Variants in LRBA observed in about 807,000 individuals in gnomAD.
LRBA encodes the protein LPS responsive beige-like anchor protein.
LRBA carries 176 observed loss-of-function variants against 330.0 expected under a neutral mutation model. The ratio of observed to expected loss-of-function variants is 0.53; its 90% CI spans 0.47 to 0.60. The LOEUF (loss-of-function observed/expected upper bound fraction) is 0.60, where lower values mean the gene tolerates loss of function less well. Among genes scored for constraint, LRBA ranks in the 20% least tolerant of loss-of-function variants. The pLI is 0.00. For missense variants in LRBA, 3,259 were observed against 3,444.8 expected (o/e 0.95, Z 1.35); for synonymous variants, 1,230 against 1,193.0 (o/e 1.03, Z -0.64).
chr4:150,658,027 A>G (rs1780385720), intron 37 of LRBA, among the ~76,000 whole-genome samples: 1 of 152,150 alleles, frequency 6.6e-6, no homozygotes, highest in Non-Finnish European at 1.5e-5. Flanking sequence ...GTGTGTAATT[A>G]CACTGCCTGA....
At chr4:150,466,196 T>C (rs115110842) in intron 44 of LRBA, among the ~76,000 whole-genome samples, 203 of 152,224 alleles carry the variant, frequency 1.3e-3, no homozygotes, top group Middle Eastern at 0.01. Context: ...TCGGTAACTA[T>C]TGTGATTGTC....
chr4:150,897,603 G>A (rs1263688367), intron 15 of LRBA, 136 bp downstream of exon 15: 6 of 611,664 alleles, frequency 9.8e-6, no homozygotes, highest in Admixed American at 3.0e-5. Context: ...AAACAAACAT[G>A]GAAATATCTT....
chr4:150,547,923 T>C (rs888070748), intron 40 of LRBA, among the ~76,000 whole-genome samples: 1 of 152,186 alleles, frequency 6.6e-6, no homozygotes, highest in Non-Finnish European at 1.5e-5. Flanking sequence ...TTTTTCGCTT[T>C]ATAAATGACT....
chr4:150,777,066 T>TTTGTTGTTGTTGTTG (rs70941442), intron 34 of LRBA, among the ~76,000 whole-genome samples: 32 of 134,366 alleles, frequency 2.4e-4, no homozygotes, highest in East Asian at 2.0e-3. Flanking sequence ...TTTGAGGGGT[T>TTTGTTGTTGTTGTTG]TTGTTGTTGT....
intron 42 of LRBA, among the ~76,000 whole-genome samples, chr4:150,484,566 CATTT>C (rs1330079978): frequency 7.9e-5 from 12 of 151,688 alleles, no homozygotes; most frequent in African/African-American, 2.9e-4. Flanking sequence ...ACTATTAATA[CATTT>C]ATTAATCTTG....
chr4:150,871,465 CA>C lies in LRBA; in HGVS notation c.2259-13del. 6.6e-7 allele frequency: 1 copy of C among 1,514,686 alleles called. No homozygotes were observed. The highest frequency in any genetic ancestry group is 9.2e-7 in the Non-Finnish European group (1 of 1,090,412). 93.8% of individuals were successfully genotyped at this position (1,514,686 alleles called of 1,614,324 possible). On this transcript the variant is annotated splice_polypyrimidine_tract_variant and intron_variant, in intron 18 of 56. Transcript: ENST00000651943. ...CTTCTGCTTTCCTCCTGCAATTACA[CA>C]AAAAGAAATCATCAAATGTAGAGCT...
chr4:150,953,779 G>A (rs1368626032), intron 2 of LRBA, among the ~76,000 whole-genome samples: 2 of 151,490 alleles, frequency 1.3e-5, no homozygotes, highest in East Asian at 3.9e-4. Context: ...CTGCCCGGCC[G>A]CCACCCCGTC....
intron 28 of LRBA, among the ~76,000 whole-genome samples, chr4:150,833,485 C>T (rs976091625): frequency 1.3e-5 from 2 of 152,074 alleles, no homozygotes; most frequent in African/African-American, 4.8e-5. Context: ...AATAAAGTGG[C>T]TATCACAATA....
intron 53 of LRBA, among the ~76,000 whole-genome samples, chr4:150,294,111 G>A (rs13121248): frequency 0.49 from 74,451 of 152,032 alleles, 19,471 homozygotes; most frequent in Non-Finnish European, 0.59. Context: ...TTGGCACCCC[G>A]ACTCCTGTGT....
intron 2 of LRBA, among the ~76,000 whole-genome samples, chr4:150,977,597 G>A (rs1015350533): frequency 1.3e-5 from 2 of 152,140 alleles, no homozygotes; most frequent in Non-Finnish European, 2.9e-5. Flanking sequence ...AAGGGCTCCT[G>A]AGATCCCCGA....
At chr4:150,690,088 T>A (rs1188137136) in intron 36 of LRBA, among the ~76,000 whole-genome samples, 1 of 152,070 alleles carries the variant, frequency 6.6e-6, no homozygotes, top group Non-Finnish European at 1.5e-5. Flanking sequence ...ATACAAAATA[T>A]ACAGTTTATA....
At chr4:150,426,985 A>G (rs1436225888) in intron 46 of LRBA, among the ~76,000 whole-genome samples, 1 of 151,922 alleles carries the variant, frequency 6.6e-6, no homozygotes, top group Non-Finnish European at 1.5e-5. Flanking sequence ...CTCCAAATAA[A>G]TTATAATTTG....
Position 150,405,424 on chromosome 4 carries a change from C to T in LRBA, c.7194+10014G>A, listed in dbSNP as rs571474970. ...ACCACTGGTATTTGAAAGTGTAAAC[C>T]CCAATTCTATAAAACTTTTACTGTA... On this transcript the variant is annotated intron_variant, in intron 47 of 56. Coordinates refer to ENST00000651943, the MANE Select transcript of LRBA (RefSeq NM_001364905.1). Among the ~76,000 whole-genome samples, 5 of 152,114 alleles carry T rather than the reference C, an allele frequency of 3.3e-5. No homozygotes were observed. The East Asian group carries it at 9.7e-4, about 29-fold the overall frequency.
intron 46 of LRBA, among the ~76,000 whole-genome samples, chr4:150,424,053 T>C (rs1749203286): frequency 6.6e-6 from 1 of 152,220 alleles, no homozygotes; most frequent in African/African-American, 2.4e-5. Context: ...AACTGCTTGT[T>C]TGTTTCTATC....
intron 47 of LRBA, among the ~76,000 whole-genome samples, chr4:150,401,685 A>C (rs1745486209): frequency 6.6e-6 from 1 of 152,212 alleles, no homozygotes; most frequent in African/African-American, 2.4e-5. Flanking sequence ...AGAGTAAATT[A>C]GACGAAAGTA....
At chr4:150,746,021 C>G (rs996474199) in intron 35 of LRBA, among the ~76,000 whole-genome samples, 2 of 152,190 alleles carry the variant, frequency 1.3e-5, no homozygotes, top group Non-Finnish European at 2.9e-5. Flanking sequence ...TCCCAGCCCC[C>G]TTCCCTGTTC....
At chr4:150,541,148 G>A (rs563643347) in intron 40 of LRBA, among the ~76,000 whole-genome samples, 15 of 152,202 alleles carry the variant, frequency 9.9e-5, no homozygotes, top group African/African-American at 3.6e-4. Flanking sequence ...ATAAAGGCTC[G>A]GGGTTCTATT....
At chr4:150,538,973 C>T (rs75305981) in intron 40 of LRBA, among the ~76,000 whole-genome samples, 2 of 151,456 alleles carry the variant, frequency 1.3e-5, no homozygotes, top group Admixed American at 6.6e-5. Context: ...TTTTAAAAAC[C>T]TTTAACTTTT....
Position 150,321,284 on chromosome 4 carries a change from C to T in LRBA, c.7537G>A (p.Ala2513Thr), listed in dbSNP as rs1330410327. ...GCCAAACCAGGCTGGGTGTTGGCTG[C>T]CACGTGAGTAACAGGGGAGTTGGAG... ...FPSNSPVTHV[A>T]ANTQPGLATP... The change falls in exon 50 of 57, where the codon GCA (alanine) becomes ACA (threonine). Residue 2513 changes from alanine (A) to threonine (T), a missense_variant. By Grantham distance (58) the Ala-to-Thr change is moderately conservative (BLOSUM62 0). Transcript: ENST00000651943. The surrounding 1 kb of genome is among the most constrained non-coding windows in gnomAD (Gnocchi z 4.5). 4.3e-6 allele frequency: 7 copies of T among 1,611,694 alleles called. No individual in the cohort carries two copies. The highest frequency in any genetic ancestry group is 2.2e-5 in the South Asian group (2 of 90,628).
Sources: gnomAD v4.1 joint callset for allele counts (sites outside exome capture counted in the v4.1 genomes callset) on GRCh38, gnomAD v4.1.1 for gene constraint, Gnocchi (gnomAD v3.1) non-coding constraint, MANE v1.5 for transcripts, NCBI Gene and HGNC (gene_info 2026-07-23, HGNC 2026-07-21) for gene names.